The following KIAA1328 variants were observed in gnomAD, a reference collection of about 807,000 sequenced individuals.
KIAA1328 encodes protein hinderin.
KIAA1328 carries 52 observed loss-of-function variants against 68.1 expected under a neutral mutation model. The ratio of observed to expected loss-of-function variants is 0.76; its 90% confidence interval spans 0.61 to 0.96. The LOEUF is 0.96. KIAA1328 is among the 40% of genes least tolerant of loss of function. The pLI is 0.00. For missense variants in KIAA1328, 641 were observed against 677.6 expected, an observed-to-expected ratio of 0.95 and a Z score of 0.60; for synonymous variants, 232 against 239.4, an observed-to-expected ratio of 0.97 and a Z score of 0.28.
At chr18:36,904,279 A>C (rs1216779752) in intron 5 of KIAA1328, among the ~76,000 whole-genome samples, 1 of 152,136 alleles carries the variant, frequency 6.6e-6, no homozygotes, top group Non-Finnish European at 1.5e-5. Flanking sequence ...TTCTATATGC[A>C]TATTGATTTT....
rs181563768 is a variant in KIAA1328, at chr18:37,182,847, G to A, written c.1523+9766G>A. ...ACTATGTATGCAAAGCCTTTAACTT[G>A]ATGCTTGTCCATGTTGGGCACTCAG... On this transcript the variant is annotated intron_variant, in intron 9 of 9. Transcript: ENST00000280020. Among the ~76,000 whole-genome samples the A allele has an allele frequency of 1.1e-4, 17 of 152,204 alleles. No individual in the cohort carries two copies. The East Asian group carries it at 3.3e-3, about 29-fold the overall frequency.
chr18:36,903,948 C>T (rs1397479357), intron 5 of KIAA1328, among the ~76,000 whole-genome samples: 1 of 152,122 alleles, frequency 6.6e-6, no homozygotes, highest in East Asian at 1.9e-4. Flanking sequence ...TGCCAGACTT[C>T]ACTTTTTCAG....
At chr18:36,985,352 G>A (rs1410834105) in intron 6 of KIAA1328, among the ~76,000 whole-genome samples, 2 of 152,074 alleles carry the variant, frequency 1.3e-5, no homozygotes, top group East Asian at 3.9e-4. Flanking sequence ...AGCGTTTTTT[G>A]TAGAAATTGA....
At chr18:37,206,101 C>T (rs998640929) in intron 9 of KIAA1328, among the ~76,000 whole-genome samples, 1 of 152,052 alleles carries the variant, frequency 6.6e-6, no homozygotes, top group African/African-American at 2.4e-5. Flanking sequence ...ATATATTCCC[C>T]CTTTTGAGAG....
chr18:36,852,669 C>T (rs1033633812), intron 4 of KIAA1328, among the ~76,000 whole-genome samples: 2 of 152,164 alleles, frequency 1.3e-5, no homozygotes, highest in Admixed American at 6.6e-5. Flanking sequence ...TTTTCTTCCC[C>T]TGGACCCTTC....
chr18:37,032,248 A>G (rs1054301255), intron 6 of KIAA1328, among the ~76,000 whole-genome samples: 5 of 152,228 alleles, frequency 3.3e-5, no homozygotes, highest in Admixed American at 6.5e-5. Flanking sequence ...ATAACTGCAT[A>G]AAAGAATGCT....
At chr18:37,138,948 C>CTTTTTTTTTTT (rs869053490) in intron 7 of KIAA1328, among the ~76,000 whole-genome samples, 4 of 74,166 alleles carry the variant, frequency 5.4e-5, no homozygotes, top group Non-Finnish European at 7.2e-5. Context: ...AAATTTTGTT[C>CTTTTTTTTTTT]TTTTTTTTTT....
chr18:37,095,145 C>T (rs192343693), intron 7 of KIAA1328, among the ~76,000 whole-genome samples: 1 of 152,266 alleles, frequency 6.6e-6, no homozygotes, highest in East Asian at 1.9e-4. Flanking sequence ...TTGGGAACTT[C>T]AACACTCCAC....
chr18:37,185,864 G>C (rs1298423520), intron 9 of KIAA1328, among the ~76,000 whole-genome samples: 1 of 150,668 alleles, frequency 6.6e-6, no homozygotes, highest in Non-Finnish European at 1.5e-5. Flanking sequence ...TTTATTTCTT[G>C]TGCGGAAATT....
rs868810963 is a variant in KIAA1328 at position 36,838,947 on chromosome 18, C to G, written c.237+3571C>G. Among the ~76,000 whole-genome samples, 4 of 152,116 alleles carry G rather than the reference C, an allele frequency of 2.6e-5. No individual in the cohort carries two copies. In the South Asian group the frequency reaches 8.3e-4, roughly 31 times the overall value. ...ATGGGGTTTCACCATGTTGGTCAGG[C>G]TGGTCTCGAACTCCTGACCTCATTA... On this transcript the variant is annotated intron_variant, in intron 3 of 9. Coordinates refer to ENST00000280020, the MANE Select transcript of KIAA1328 (RefSeq NM_020776.3).
intron 5 of KIAA1328, among the ~76,000 whole-genome samples, chr18:36,900,330 C>T (rs1033429645): frequency 1.3e-5 from 2 of 152,042 alleles, no homozygotes; most frequent in South Asian, 2.1e-4. Flanking sequence ...AAGTTCCCTA[C>T]AAGGCCCATG....
At chr18:37,201,037 C>G (rs2060104002) in intron 9 of KIAA1328, among the ~76,000 whole-genome samples, 1 of 152,116 alleles carries the variant, frequency 6.6e-6, no homozygotes, top group African/African-American at 2.4e-5. Flanking sequence ...GGAGATGTCT[C>G]AGTGAGGAAT....
At chr18:36,997,165 T>A (rs2053424122) in intron 6 of KIAA1328, among the ~76,000 whole-genome samples, 1 of 152,212 alleles carries the variant, frequency 6.6e-6, no homozygotes, top group Non-Finnish European at 1.5e-5. Context: ...CAGGAAATAT[T>A]TTCGTCTTTC....
chr18:37,051,232 CAA>C (rs34358140), intron 6 of KIAA1328, among the ~76,000 whole-genome samples: 55 of 146,404 alleles, frequency 3.8e-4, no homozygotes, highest in East Asian at 1.8e-3. Flanking sequence ...AAATTGAGAG[CAA>C]AAAAAAAAAC....
intron 7 of KIAA1328, among the ~76,000 whole-genome samples, chr18:37,100,217 C>T (rs1370441787): frequency 1.3e-5 from 2 of 152,324 alleles, no homozygotes; most frequent in Middle Eastern, 3.4e-3. Flanking sequence ...CGAAGCAGGG[C>T]AAGGCATCGC....
chr18:37,122,585 A>G (rs186688828), intron 7 of KIAA1328, among the ~76,000 whole-genome samples: 59 of 152,302 alleles, frequency 3.9e-4, no homozygotes, highest in African/African-American at 1.3e-3. Flanking sequence ...TGGAAAAATT[A>G]TCGTCAGTCA....
At chr18:37,144,618 C>T (rs990770719) in intron 7 of KIAA1328, among the ~76,000 whole-genome samples, 5 of 152,014 alleles carry the variant, frequency 3.3e-5, no homozygotes, top group Non-Finnish European at 5.9e-5. Flanking sequence ...ATCTCTACCT[C>T]GCCTGACTCA....
downstream of KIAA1328, chr18:37,231,438 G>A (rs1197907161): frequency 6.6e-6 from 1 of 152,268 alleles, no homozygotes; most frequent in Non-Finnish European, 1.5e-5. Context: ...GAATGATGAG[G>A]CCACAGTGTC....
intron 9 of KIAA1328, among the ~76,000 whole-genome samples, 200 bp from the exon 10 acceptor site, chr18:37,221,817 G>C (rs1008227110): frequency 1.3e-5 from 2 of 152,154 alleles, no homozygotes; most frequent in Non-Finnish European, 2.9e-5. Context: ...AAAGAGAAGA[G>C]CTTATGTACA....
Sources: allele counts gnomAD v4.1 joint callset (sites outside exome capture counted in the v4.1 genomes callset), GRCh38; gene constraint gnomAD v4.1.1; transcripts MANE v1.5; gene names NCBI Gene and HGNC (gene_info 2026-07-23, HGNC 2026-07-21).